AGBL4: variants seen among roughly 807,000 people sequenced by gnomAD.
AGBL4 encodes cytosolic carboxypeptidase 6.
A neutral mutation model predicts 66.4 loss-of-function variants in AGBL4; 58 were observed. The observed-to-expected ratio is 0.87, with a 90% confidence interval of 0.71 to 1.09. The LOEUF (loss-of-function observed/expected upper bound fraction) is 1.09, where lower values mean the gene tolerates loss of function less well. Among genes scored for constraint, AGBL4 ranks in the 50% least tolerant of loss-of-function variants. The pLI is 0.00. For synonymous variants in AGBL4, 234 were observed against 222.9 expected (o/e 1.05, Z -0.44); for missense variants, 579 against 631.0 (o/e 0.92, Z 0.88).
intron 3 of AGBL4, among the ~76,000 whole-genome samples, chr1:49,499,720 C>CATATATATAT (rs151053487): frequency 6.9e-6 from 1 of 145,346 alleles, no homozygotes; most frequent in African/African-American, 2.5e-5. Context: ...GAATGGTATT[C>CATATATATAT]ATATATATAT....
chr1:49,981,613 T>A (rs1181993140), intron 1 of AGBL4, among the ~76,000 whole-genome samples: 4 of 152,260 alleles, frequency 2.6e-5, no homozygotes, highest in Middle Eastern at 3.4e-3. Flanking sequence ...ACAGGCTGTC[T>A]GCATTCAAAT....
chr1:48,712,934 G>A (rs1646990958), intron 6 of AGBL4, among the ~76,000 whole-genome samples: 1 of 152,216 alleles, frequency 6.6e-6, no homozygotes, highest in African/African-American at 2.4e-5. Flanking sequence ...CTGGAGGGAA[G>A]TCAGTGCTGC....
intron 5 of AGBL4, among the ~76,000 whole-genome samples, chr1:48,937,160 C>G (rs1655548296): frequency 6.6e-6 from 1 of 152,146 alleles, no homozygotes; most frequent in Non-Finnish European, 1.5e-5. Context: ...TAGGCCGTTT[C>G]TATTAAAGCT....
intron 3 of AGBL4, among the ~76,000 whole-genome samples, chr1:49,329,383 G>A (rs1645285958): frequency 6.6e-6 from 1 of 151,824 alleles, no homozygotes; most frequent in Non-Finnish European, 1.5e-5. Context: ...AAATAAAAAT[G>A]TGCCGGGCGC....
chr1:49,881,227 T>C (rs1205950300), intron 1 of AGBL4, among the ~76,000 whole-genome samples: 4 of 152,160 alleles, frequency 2.6e-5, no homozygotes, highest in Non-Finnish European at 5.9e-5. Flanking sequence ...CTCATCATTT[T>C]TTATGGCTGC....
At chr1:48,976,789 T>A (rs1659372927) in intron 5 of AGBL4, among the ~76,000 whole-genome samples, 1 of 152,100 alleles carries the variant, frequency 6.6e-6, no homozygotes. Flanking sequence ...CTCCTCAACC[T>A]TTAGTCTTAA....
chr1:49,596,795 A>G (rs1644861542), intron 3 of AGBL4, among the ~76,000 whole-genome samples: 1 of 152,150 alleles, frequency 6.6e-6, no homozygotes, highest in Admixed American at 6.5e-5. Context: ...TGAAGCAACA[A>G]TGGTCCATTT....
chr1:50,007,072 G>A (rs1661181865), intron 1 of AGBL4, among the ~76,000 whole-genome samples: 1 of 151,966 alleles, frequency 6.6e-6, no homozygotes. Flanking sequence ...AATTTTAAAG[G>A]GGTGAGACTT....
intron 2 of AGBL4, among the ~76,000 whole-genome samples, chr1:49,740,238 G>A (rs2124745025): frequency 6.6e-6 from 1 of 152,226 alleles, no homozygotes; most frequent in South Asian, 2.1e-4. Context: ...AAAAAAGGCA[G>A]GGGTTGCAAT....
At chr1:49,591,345 C>A (rs1260708732) in intron 3 of AGBL4, among the ~76,000 whole-genome samples, 2 of 151,132 alleles carry the variant, frequency 1.3e-5, no homozygotes, top group Non-Finnish European at 3.0e-5. Flanking sequence ...GTACTAGCCA[C>A]ACAAAAATTA....
chr1:49,743,509 T>A (rs149845967), intron 2 of AGBL4, among the ~76,000 whole-genome samples: 3,071 of 152,202 alleles, frequency 0.02, 95 homozygotes, highest in African/African-American at 0.069. Context: ...TCCTCAGGGA[T>A]CTAGAACTAG....
At chr1:49,356,736 G>T (rs1054751731) in intron 3 of AGBL4, among the ~76,000 whole-genome samples, 1 of 152,188 alleles carries the variant, frequency 6.6e-6, no homozygotes, top group East Asian at 1.9e-4. Flanking sequence ...AGTGCTGAAG[G>T]TTTGTTGAGC....
intron 2 of AGBL4, among the ~76,000 whole-genome samples, chr1:49,789,115 T>C (rs1157950168): frequency 6.6e-6 from 1 of 152,200 alleles, no homozygotes; most frequent in Non-Finnish European, 1.5e-5. Context: ...GTTTTTGTCA[T>C]TGGTTCTGTT....
At chr1:50,005,830 G>T (rs1299172512) in intron 1 of AGBL4, among the ~76,000 whole-genome samples, 1 of 152,162 alleles carries the variant, frequency 6.6e-6, no homozygotes, top group Non-Finnish European at 1.5e-5. Flanking sequence ...GTATCAAGCA[G>T]AAAATCTGTA....
intron 3 of AGBL4, among the ~76,000 whole-genome samples, chr1:49,258,134 T>A (rs1198240795): frequency 2.0e-5 from 3 of 152,018 alleles, no homozygotes; most frequent in Admixed American, 6.6e-5. Flanking sequence ...AGAAAGGACA[T>A]CCACACCAAA....
intron 3 of AGBL4, among the ~76,000 whole-genome samples, chr1:49,431,147 A>G (rs1173292513): frequency 6.6e-6 from 1 of 152,192 alleles, no homozygotes; most frequent in Non-Finnish European, 1.5e-5. Context: ...ATATACTACT[A>G]GGAGTGTAAT....
chr1:48,937,521 G>A (rs1364855384), intron 5 of AGBL4, among the ~76,000 whole-genome samples: 2 of 152,260 alleles, frequency 1.3e-5, no homozygotes, highest in East Asian at 3.9e-4. Flanking sequence ...TCAAGTATAT[G>A]CTGTTTCTCC....
chr1:49,866,272 T>A (rs1646698539), intron 1 of AGBL4, among the ~76,000 whole-genome samples: 1 of 151,946 alleles, frequency 6.6e-6, no homozygotes, highest in Non-Finnish European at 1.5e-5. Flanking sequence ...CAGTAAGATA[T>A]TCCATGAGAA....
intron 3 of AGBL4, among the ~76,000 whole-genome samples, chr1:49,692,833 A>G (rs1244761340): frequency 1.3e-5 from 2 of 152,198 alleles, no homozygotes; most frequent in Non-Finnish European, 1.5e-5. Flanking sequence ...TATTTCTTAT[A>G]GTAATCCAAG....
Sources: gnomAD v4.1 joint callset for allele counts (sites outside exome capture counted in the v4.1 genomes callset) on GRCh38, gnomAD v4.1.1 for gene constraint, MANE v1.5 for transcripts, NCBI Gene and HGNC (gene_info 2026-07-23, HGNC 2026-07-21) for gene names.